The following COL6A5 variants were observed in gnomAD, a reference collection of about 807,000 sequenced individuals.
COL6A5 encodes the protein collagen type VI alpha 5 chain.
Under a neutral mutation model 65.6 loss-of-function variants are expected in COL6A5, and 48 were observed. The observed-to-expected ratio is 0.73, with a 90% CI of 0.58 to 0.93. COL6A5 has a LOEUF of 0.93. COL6A5 is among the 40% of genes least tolerant of loss of function. COL6A5 has a pLI of 0.00. For missense variants in COL6A5, 914 were observed against 928.3 expected, an observed-to-expected ratio of 0.98 and a Z score of 0.20; for synonymous variants, 291 against 322.8, an observed-to-expected ratio of 0.90 and a Z score of 1.05.
chr3:130,397,008 G>A (rs373252090), intron 8 of COL6A5, among the ~76,000 whole-genome samples: 6 of 151,960 alleles, frequency 3.9e-5, no homozygotes, highest in South Asian at 2.1e-4. Flanking sequence ...GACTACAGGC[G>A]CCCGCCACCA....
chr3:130,483,307 G>A (rs540297242), intron 7 of COL6A5, among the ~76,000 whole-genome samples: 1 of 152,254 alleles, frequency 6.6e-6, no homozygotes, highest in Non-Finnish European at 1.5e-5. Flanking sequence ...CTATGAAGAA[G>A]CTGTGTCAAC....
At chr3:130,431,579 T>G (rs1340137730) in exon 1 of COL6A5, 17 of 1,551,632 alleles carry the variant, frequency 1.1e-5, no homozygotes, top group Non-Finnish European at 1.3e-5. Context: ...GTCAATGACC[T>G]TAACATCAGG....
chr3:130,440,902 G>A, intron 3 of COL6A5, 77 bp downstream of exon 35: 1 of 1,062,004 alleles, frequency 9.4e-7, no homozygotes, highest in Middle Eastern at 2.2e-4. Flanking sequence ...ACCTATTTTT[G>A]TATCTATAGC....
At chr3:130,473,647 C>A (rs1710015041) in intron 7 of COL6A5, among the ~76,000 whole-genome samples, 1 of 152,088 alleles carries the variant, frequency 6.6e-6, no homozygotes, top group African/African-American at 2.4e-5. Flanking sequence ...GACAAACTGA[C>A]AAACTGCGTA....
At chr3:130,381,335 A>T (rs1227461315) in intron 4 of COL6A5, among the ~76,000 whole-genome samples, 2 of 152,142 alleles carry the variant, frequency 1.3e-5, no homozygotes, top group Non-Finnish European at 2.9e-5. Flanking sequence ...CTCTTTTGAA[A>T]CATTCCTTTA....
At chr3:130,422,618 G>C (rs1213608789) in intron 27 of COL6A5, 102 bp from the exon 28 acceptor site, 3 of 723,908 alleles carry the variant, frequency 4.1e-6, no homozygotes, top group Non-Finnish European at 7.0e-6. Context: ...ATTAATGTAT[G>C]ATTGTCATAA....
chr3:130,484,048 A>T, exon 8 of COL6A5: 2 of 1,608,494 alleles, frequency 1.2e-6, no homozygotes, highest in Non-Finnish European at 1.7e-6. Context: ...GTGAAGATAC[A>T]AGGTCATCAT....
At chr3:130,418,775 A>G in intron 24 of COL6A5, 94 bp from the exon 25 acceptor site, 1 of 950,376 alleles carries the variant, frequency 1.1e-6, no homozygotes, top group South Asian at 1.4e-5. Flanking sequence ...CTCACTGAGA[A>G]CCTTGAGTCT....
chr3:130,443,145 C>A (rs1362987242), intron 3 of COL6A5, among the ~76,000 whole-genome samples: 1 of 152,122 alleles, frequency 6.6e-6, no homozygotes, highest in Non-Finnish European at 1.5e-5. Context: ...GGGTGAAAAA[C>A]CTTTGATGAA....
rs76203159 is a variant in COL6A5 at position 130,388,452 on chromosome 3, A to G, written c.1862-128A>G. 1.4e-3 allele frequency: 1,083 copies of G among 782,438 alleles called. 3 individuals are homozygous for G. The highest frequency in any genetic ancestry group is 2.0e-3 in the Non-Finnish European group (1,010 of 516,640). The allele number at this position is 782,438 out of a possible 1,614,324, so 48.5% of individuals were successfully genotyped here. On this transcript the variant is annotated intron_variant and NMD_transcript_variant, in intron 5 of 41. Coordinates refer to the COL6A5 transcript ENST00000312481. ...CTAAAGAAGCAAATACAATTTTCAA[A>G]CATAACAACAGTTGCCTGAGTTAAT...
At chr3:130,379,787 C>G in exon 4 of COL6A5, 1 of 1,551,398 alleles carries the variant, frequency 6.4e-7, no homozygotes, top group Non-Finnish European at 8.7e-7. Flanking sequence ...GTTCTGGTCA[C>G]CCACAGACCA....
At chr3:130,368,641 C>T (rs1473055075) in intron 1 of COL6A5, among the ~76,000 whole-genome samples, 1 of 151,586 alleles carries the variant, frequency 6.6e-6, no homozygotes, top group African/African-American at 2.4e-5. Flanking sequence ...ATGATAGGTA[C>T]CAAAGAAGAG....
chr3:130,406,276 T>C (rs1290614101), exon 17 of COL6A5: 4 of 1,550,654 alleles, frequency 2.6e-6, no homozygotes, highest in Middle Eastern at 1.7e-4. Context: ...AGGGCTGTCA[T>C]GGATTTCCTG....
chr3:130,391,516 G>A (rs78887002), exon 7 of COL6A5: 18 of 1,551,732 alleles, frequency 1.2e-5, no homozygotes, highest in African/African-American at 4.1e-5. Context: ...ATGTGAAGCA[G>A]ATGCTGATTG....
chr3:130,391,426 A>T (rs1936397521), exon 7 of COL6A5: 1 of 1,551,558 alleles, frequency 6.4e-7, no homozygotes, highest in African/African-American at 1.4e-5. Flanking sequence ...GGGACACTGG[A>T]GGGAACACCT....
intron 21 of COL6A5, 49 bp downstream of exon 21, chr3:130,413,629 G>A (rs1231815882): frequency 6.6e-7 from 1 of 1,523,952 alleles, no homozygotes; most frequent in Non-Finnish European, 8.9e-7. Context: ...GACCAAGGAG[G>A]TTTCTCCCAT....
In COL6A5 at chr3:130,421,005, C is replaced by A. The variant is rs1413812513; in HGVS notation, c.4951-148C>A. ...AGGGAGTGAGGAAAACACAGCAACACAATGTTCCCAGGGTTCAAGGTCACC... is the reference window on the plus strand; with the variant it reads ...AGGGAGTGAGGAAAACACAGCAACAAAATGTTCCCAGGGTTCAAGGTCACC... On this transcript the variant is annotated intron_variant and NMD_transcript_variant, in intron 25 of 41. Coordinates refer to the COL6A5 transcript ENST00000312481. 6.0e-6 allele frequency: 4 copies of A among 665,332 alleles called. No individual in the cohort carries two copies. In the East Asian group the frequency reaches 1.1e-4, roughly 18 times the overall value. 41.2% of individuals were successfully genotyped at this position (665,332 alleles called of 1,614,324 possible). A position where few individuals can be genotyped will look rare whatever the true frequency, so the allele number is the denominator to read the frequency against.
intron 1 of COL6A5, among the ~76,000 whole-genome samples, chr3:130,438,042 C>T (rs188531666): frequency 6.6e-5 from 10 of 152,108 alleles, no homozygotes; most frequent in African/African-American, 1.9e-4. Flanking sequence ...TCTGTCACCC[C>T]GGTTGGAGTG....
chr3:130,374,267 T>C (rs534741093), intron 2 of COL6A5, among the ~76,000 whole-genome samples: 165 of 152,276 alleles, frequency 1.1e-3, no homozygotes, highest in Non-Finnish European at 1.9e-3. Flanking sequence ...GGGCATATGA[T>C]ACAACCTATT....
Sources: gnomAD v4.1 joint callset for allele counts (sites outside exome capture counted in the v4.1 genomes callset) on GRCh38, gnomAD v4.1.1 for gene constraint, MANE v1.5 for transcripts, NCBI Gene and HGNC (gene_info 2026-07-23, HGNC 2026-07-21) for gene names.